SMPD4: variants seen among roughly 807,000 people sequenced by gnomAD.
The protein encoded by SMPD4 is neutral sphingomyelinase 3.
In SMPD4, 58 loss-of-function variants were observed where a neutral mutation model predicts 97.8. The ratio of observed to expected loss-of-function variants is 0.59; its 90% CI spans 0.48 to 0.74. SMPD4 has a LOEUF of 0.74. Among genes scored for constraint, SMPD4 ranks in the 30% least tolerant of loss-of-function variants. The pLI is 0.00. For missense variants in SMPD4, 853 were observed against 1,080.5 expected (o/e 0.79, Z 2.95); for synonymous variants, 388 against 450.0 (o/e 0.86, Z 1.74).
chr2:130,168,747 G>C (rs537893412), intron 8 of SMPD4, among the ~76,000 whole-genome samples: 1 of 146,712 alleles, frequency 6.8e-6, no homozygotes, highest in Non-Finnish European at 1.5e-5. Flanking sequence ...GTTGAGATAC[G>C]GTCTCACTCT....
intron 1 of SMPD4, among the ~76,000 whole-genome samples, chr2:130,180,788 G>T (rs909560805): frequency 6.6e-6 from 1 of 152,100 alleles, no homozygotes; most frequent in Non-Finnish European, 1.5e-5. Context: ...AGGCCCAGAG[G>T]AATTTCTAGG....
chr2:130,157,762 T>C (rs984445188), intron 11 of SMPD4: 57 of 298,266 alleles, frequency 1.9e-4, no homozygotes, highest in Non-Finnish European at 5.8e-5. Flanking sequence ...CTGGTGCCTG[T>C]CTTGATCCCC....
chr2:130,158,258 C>G (rs1433037104), intron 11 of SMPD4: 1 of 1,288,328 alleles, frequency 7.8e-7, no homozygotes, highest in African/African-American at 1.5e-5. Flanking sequence ...CCTCTGTTGC[C>G]CAGGGACCTG....
At chr2:130,166,498 T>C (rs564296135) in intron 9 of SMPD4, among the ~76,000 whole-genome samples, 3 of 152,172 alleles carry the variant, frequency 2.0e-5, no homozygotes, top group Non-Finnish European at 4.4e-5. Context: ...TTCTTACCAT[T>C]CCACCCTGCG....
At chr2:130,159,222 T>C (rs1200153042) in intron 11 of SMPD4, among the ~76,000 whole-genome samples, 1 of 151,756 alleles carries the variant, frequency 6.6e-6, no homozygotes, top group Non-Finnish European at 1.5e-5. Flanking sequence ...CTCAAACTCC[T>C]GAGCTCAGGC....
At chr2:130,158,692 G>A (rs917918167) in intron 11 of SMPD4, among the ~76,000 whole-genome samples, 1 of 152,192 alleles carries the variant, frequency 6.6e-6, no homozygotes, top group African/African-American at 2.4e-5. Context: ...TGGGAGGGCA[G>A]GTGGGCGCAT....
chr2:130,163,455 C>A (rs986789839), intron 10 of SMPD4, among the ~76,000 whole-genome samples: 4 of 152,246 alleles, frequency 2.6e-5, no homozygotes, highest in African/African-American at 9.6e-5. Context: ...AGACCCACAG[C>A]TCTTTGCCAG....
intron 12 of SMPD4, chr2:130,156,944 T>C: frequency 3.1e-6 from 3 of 960,338 alleles, no homozygotes; most frequent in South Asian, 3.3e-5. Context: ...CCCACTCTGC[T>C]GGCCCTGGTG....
intron 4 of SMPD4, 75 bp from the exon 5 acceptor site, chr2:130,173,429 A>T: frequency 1.3e-6 from 2 of 1,594,826 alleles, no homozygotes; most frequent in East Asian, 4.5e-5. Flanking sequence ...ATTGTTTCTT[A>T]ATCTTGAGAA....
Position 130,156,640 on chromosome 2 carries a change from T to G in SMPD4, c.1133A>C (p.Tyr378Ser). The change falls in exon 13 of 20, where the codon TAC becomes TCC. Residue 378 changes from tyrosine (Y) to serine (S), a missense_variant. Physicochemically the swap from Tyr to Ser is moderately radical, Grantham distance 144 (BLOSUM62 -2). Transcript: ENST00000680298. ...GCCAAAGCAATGCTGCAAGAAGAGG[T>G]AGAGTTTCTGCTGGACGAACCTCGG... ...AVPRFVQQKL[Y>S]LFLQHCFGHW... 6.2e-7 allele frequency: 1 copy of G among 1,613,740 alleles called. No individual in the cohort carries two copies. Among genetic ancestry groups the G allele is most frequent in the Non-Finnish European group, 8.5e-7 (1 of 1,179,882 alleles).
intron 15 of SMPD4, 79 bp downstream of exon 15, chr2:130,155,017 C>T (rs1235094868): frequency 9.7e-6 from 15 of 1,553,522 alleles, no homozygotes; most frequent in Non-Finnish European, 1.3e-5. Flanking sequence ...CTCTTAAAGA[C>T]CAGCCACCCC....
chr2:130,173,514 C>A lies in SMPD4; in HGVS notation c.269G>T (p.Gly90Val). 1.9e-6 allele frequency: 3 copies of A among 1,599,758 alleles called. No homozygotes were observed. Among genetic ancestry groups the A allele is most frequent in the Non-Finnish European group, 2.6e-6 (3 of 1,170,738 alleles). ...YSIVMEFLDP[G>V]GPMMKLVYKL... ...TCTCTCCGGTGACCAACCTACCTAC[C>A]CAGGGTCGAGAAATTCCATCACGAT... The change falls in exon 4 of 20, where the codon GGT (glycine) becomes GTT (valine). Residue 90 changes from glycine (G) to valine (V), a missense_variant and splice_region_variant. Physicochemically the swap from Gly to Val is moderately radical, Grantham distance 109. Around this residue, in one of 3 missense-constraint regions of SMPD4, gnomAD observed 313 missense variants for 402.2 expected, o/e 0.78. Transcript: ENST00000680298.
intron 9 of SMPD4, among the ~76,000 whole-genome samples, chr2:130,167,223 C>G (rs1432147503): frequency 6.6e-6 from 1 of 152,038 alleles, no homozygotes; most frequent in African/African-American, 2.4e-5. Flanking sequence ...TGGGTTCAAG[C>G]GATTCTCCCG....
chr2:130,162,352 C>T (rs914890043), intron 10 of SMPD4, among the ~76,000 whole-genome samples: 2 of 152,250 alleles, frequency 1.3e-5, no homozygotes, highest in Admixed American at 1.3e-4. Flanking sequence ...CCTGCCCAAG[C>T]AGCACACCCA....
chr2:130,167,354 C>T, intron 9 of SMPD4, 104 bp downstream of exon 9: 1 of 1,523,292 alleles, frequency 6.6e-7, no homozygotes, highest in Non-Finnish European at 8.9e-7. Context: ...CTCCTGACCT[C>T]AGGTCATCTG....
At chr2:130,173,415 TTTGA>T in intron 4 of SMPD4, 61 bp from the exon 5 acceptor site, 3 of 1,601,710 alleles carry the variant, frequency 1.9e-6, no homozygotes, top group Middle Eastern at 1.7e-4. Context: ...ATTATCTTGC[TTTGA>T]TTGTTTCTTA....
At chr2:130,158,203 C>T in intron 11 of SMPD4, 3 of 1,288,296 alleles carry the variant, frequency 2.3e-6, no homozygotes, top group Non-Finnish European at 3.0e-6. Context: ...ATCCTGGACA[C>T]AGCCAGATGA....
intron 15 of SMPD4, 22 bp downstream of exon 15, chr2:130,155,074 C>G (rs1452180930): frequency 2.5e-6 from 4 of 1,613,120 alleles, no homozygotes; most frequent in Non-Finnish European, 3.4e-6. Context: ...GTATACCGGG[C>G]TGGCCCAGGC....
chr2:130,165,594 G>A (rs1202839762), intron 9 of SMPD4, among the ~76,000 whole-genome samples: 2 of 152,218 alleles, frequency 1.3e-5, no homozygotes, highest in African/African-American at 4.8e-5. Flanking sequence ...TATGCTAAGT[G>A]AAGCATGCTA....
Sources: gnomAD v4.1 joint callset for allele counts (sites outside exome capture counted in the v4.1 genomes callset) on GRCh38, gnomAD v4.1.1 for gene constraint, gnomAD v4.1.1 regional missense constraint, MANE v1.5 for transcripts, NCBI Gene and HGNC (gene_info 2026-07-23, HGNC 2026-07-21) for gene names.